Variants in SMCHD1 observed in about 807,000 individuals in gnomAD.
SMCHD1 encodes the protein structural maintenance of chromosomes flexible hinge domain containing 1, also known as structural maintenance of chromosomes flexible hinge domain-containing protein 1.
In SMCHD1, 78 loss-of-function variants were observed where a neutral mutation model predicts 254.7. The ratio of observed to expected loss-of-function variants is 0.31; its 90% confidence interval spans 0.26 to 0.37. The LOEUF (loss-of-function observed/expected upper bound fraction) is 0.37. SMCHD1 is among the 10% of genes least tolerant of loss of function. SMCHD1 has a pLI of 1.00. For missense variants in SMCHD1, 1,840 were observed against 2,408.1 expected (o/e 0.76, Z 4.94); for synonymous variants, 766 against 794.9 (o/e 0.96, Z 0.61).
Position 2,700,562 on chromosome 18 carries a change from G to T in SMCHD1, c.1366G>T (p.Asp456Tyr). ...PSKLKDEDDE[D>Y]DCFILEKAAR... ...AGAATTAAAAGATGAAGATGATGAA[G>T]ATGATTGTTTCATACTTGAGAAAGC... The change falls in exon 11 of 48, where the codon GAT becomes TAT. Residue 456 changes from aspartate (D) to tyrosine (Y), a missense_variant. Transcript: ENST00000320876. 6.2e-7 allele frequency: 1 copy of T among 1,610,166 alleles called. No homozygotes were observed. Among genetic ancestry groups the T allele is most frequent in the South Asian group, 1.1e-5 (1 of 90,092 alleles).
chr18:2,761,154 T>C (rs199550772), intron 35 of SMCHD1, among the ~76,000 whole-genome samples: 1 of 152,122 alleles, frequency 6.6e-6, no homozygotes, highest in Non-Finnish European at 1.5e-5. Flanking sequence ...AGTAAATTAA[T>C]TAAGAAACTA....
Position 2,700,806 on chromosome 18 carries a change from C to T in SMCHD1, c.1535C>T (p.Ala512Val), listed in dbSNP as rs529791982. The part of the protein sequence containing the change: ...PIECYNRISG[A>V]LFTNDKFQVS... ...GAATGCTACAATAGGATATCTGGTG[C>T]ATTATTCACTAATGACAAATTCCAG... is the stretch of plus-strand genomic sequence containing the variant. Residue 512 changes from alanine (A) to valine (V), a missense_variant, in exon 12 of 48, where the codon GCA becomes GTA. This residue lies in a region of SMCHD1 where 498 missense variants were observed against 743.5 expected (regional missense o/e 0.67). Transcript: ENST00000320876. 2.7e-5 allele frequency: 43 copies of T among 1,613,308 alleles called. No individual in the cohort carries two copies. In the South Asian group the frequency reaches 4.3e-4, roughly 16 times the overall value.
At chr18:2,709,888 A>G (rs997571615) in intron 17 of SMCHD1, among the ~76,000 whole-genome samples, 1 of 152,186 alleles carries the variant, frequency 6.6e-6, no homozygotes, top group African/African-American at 2.4e-5. Flanking sequence ...TGATGCACAA[A>G]ACTTTTTAAT....
At chr18:2,675,092 A>G (rs1011367049) in intron 5 of SMCHD1, among the ~76,000 whole-genome samples, 1 of 152,206 alleles carries the variant, frequency 6.6e-6, no homozygotes, top group African/African-American at 2.4e-5. Context: ...TCTGTGCCTC[A>G]GCTTACATAG....
intron 47 of SMCHD1, 44 bp downstream of exon 47, chr18:2,796,565 A>G (rs765137778): frequency 3.1e-6 from 4 of 1,299,540 alleles, no homozygotes; most frequent in African/African-American, 1.5e-5. Context: ...TAGTTTACCA[A>G]AGTTCTTGGG....
intron 5 of SMCHD1, among the ~76,000 whole-genome samples, chr18:2,675,372 C>G (rs2073720314): frequency 6.8e-6 from 1 of 147,934 alleles, no homozygotes; most frequent in South Asian, 2.1e-4. Flanking sequence ...TCAAACGATT[C>G]TTCTGCCTCA....
chr18:2,693,262 A>G (rs148641726), intron 7 of SMCHD1, among the ~76,000 whole-genome samples: 3 of 152,326 alleles, frequency 2.0e-5, no homozygotes, highest in Admixed American at 2.0e-4. Flanking sequence ...CACAGTAGAT[A>G]TAGTCTCCTA....
At chr18:2,745,502 G>A (rs1272031841) in intron 29 of SMCHD1, among the ~76,000 whole-genome samples, 1 of 152,298 alleles carries the variant, frequency 6.6e-6, no homozygotes, top group Non-Finnish European at 1.5e-5. Context: ...ATAAAACACA[G>A]TTTTTAGAAT....
intron 19 of SMCHD1, among the ~76,000 whole-genome samples, chr18:2,720,590 C>T (rs113036742): frequency 8.7e-4 from 133 of 152,230 alleles, no homozygotes; most frequent in African/African-American, 3.1e-3. Flanking sequence ...TATTCAGATT[C>T]CCCGGAGTGG....
intron 30 of SMCHD1, among the ~76,000 whole-genome samples, chr18:2,749,103 T>G (rs2075523721): frequency 1.3e-5 from 2 of 152,212 alleles, no homozygotes; most frequent in Admixed American, 1.3e-4. Flanking sequence ...CTTCTCTGGC[T>G]TAGCAGTAAG....
At chr18:2,743,962 A>G (rs1239135422) in intron 29 of SMCHD1, 34 bp downstream of exon 29, 3 of 1,528,762 alleles carry the variant, frequency 2.0e-6, no homozygotes, top group South Asian at 1.2e-5. Flanking sequence ...GAAAGAATTT[A>G]ATATCATATG....
chr18:2,783,676 G>A (rs1030993982), intron 44 of SMCHD1, among the ~76,000 whole-genome samples: 2 of 151,714 alleles, frequency 1.3e-5, no homozygotes, highest in African/African-American at 2.4e-5. Flanking sequence ...GGATTCAAGC[G>A]ATTCTCCTGC....
chr18:2,776,882 T>C (rs1598434471), intron 42 of SMCHD1, among the ~76,000 whole-genome samples: 1 of 152,180 alleles, frequency 6.6e-6, no homozygotes, highest in African/African-American at 2.4e-5. Flanking sequence ...ATAGTTACTA[T>C]GTTGATAAGG....
intron 28 of SMCHD1, among the ~76,000 whole-genome samples, chr18:2,741,532 C>A (rs1051680974): frequency 2.6e-5 from 4 of 152,170 alleles, no homozygotes; most frequent in Non-Finnish European, 1.5e-5. Flanking sequence ...CCATGTTTCC[C>A]TTCTAACTAG....
intron 1 of SMCHD1, among the ~76,000 whole-genome samples, chr18:2,662,667 C>CAAAAAAAAAAAAAAAAAAAAAACAA (rs2073322253): frequency 2.8e-5 from 1 of 35,686 alleles, no homozygotes; most frequent in African/African-American, 1.2e-4. Flanking sequence ...AACAAAAAAC[C>CAAAAAAAAAAAAAAAAAAAAAACAA]AAAAAAAAAA....
intron 3 of SMCHD1, chr18:2,673,079 A>G (rs932573534): frequency 4.1e-6 from 4 of 985,418 alleles, no homozygotes; most frequent in Middle Eastern, 1.0e-3. Context: ...GTGCCATACA[A>G]GTACTGATTG....
chr18:2,729,639 A>G lies in SMCHD1; in HGVS notation c.3048+230A>G, dbSNP rs1166139446. Among the ~76,000 whole-genome samples the G allele has an allele frequency of 3.3e-5, 5 of 152,148 alleles. No individual in the cohort carries two copies. In the South Asian group the frequency reaches 6.2e-4, roughly 19 times the overall value. ...TTTTACAGTGTCTTTTATAGTGTCT[A>G]TAACTATTATTGATTTACATTTCCC... is the stretch of plus-strand genomic sequence containing the variant. On this transcript the variant is annotated intron_variant, in intron 24 of 47. Coordinates refer to ENST00000320876, the MANE Select transcript of SMCHD1 (RefSeq NM_015295.3).
intron 44 of SMCHD1, 63 bp downstream of exon 44, chr18:2,778,302 G>C: frequency 1.7e-6 from 2 of 1,162,828 alleles, no homozygotes; most frequent in South Asian, 2.7e-5. Flanking sequence ...ATGTCCATTT[G>C]ATGATACATA....
rs2074515864 is a variant in SMCHD1 at position 2,706,428 on chromosome 18, C to G, written c.2021C>G (p.Ala674Gly). 1 of 1,591,640 alleles carries G rather than the reference C, an allele frequency of 6.3e-7. No homozygotes were observed. The highest frequency in any genetic ancestry group is 8.6e-7 in the Non-Finnish European group (1 of 1,168,516). Residue 674 changes from alanine to glycine, a missense_variant, in exon 15 of 48, where the codon GCT becomes GGT. This residue lies in a region of SMCHD1 where 498 missense variants were observed against 743.5 expected (regional missense o/e 0.67). Coordinates refer to ENST00000320876, the MANE Select transcript of SMCHD1 (RefSeq NM_015295.3). ...VPIAKLDRTV[A>G]EKAVKKYVED... is the part of the protein sequence containing the mutation. Reference sequence around the variant, plus strand: ...ATTGCAAAGCTGGATAGGACAGTTGCTGAGAAAGCTGTTAAAAAATATGTA... The same window carrying G: ...ATTGCAAAGCTGGATAGGACAGTTGGTGAGAAAGCTGTTAAAAAATATGTA...
Sources: gnomAD v4.1 joint callset for allele counts (sites outside exome capture counted in the v4.1 genomes callset) on GRCh38, gnomAD v4.1.1 for gene constraint, gnomAD v4.1.1 regional missense constraint, MANE v1.5 for transcripts, NCBI Gene and HGNC (gene_info 2026-07-23, HGNC 2026-07-21) for gene names.